The following TSC2 variants were observed in gnomAD, a reference collection of about 807,000 sequenced individuals.
The protein encoded by TSC2 is TSC complex subunit 2.
A neutral mutation model predicts 202.2 loss-of-function variants in TSC2; 29 were observed. That is an observed-to-expected ratio of 0.14 (90% CI 0.11 to 0.20). TSC2 has a LOEUF of 0.20. Among genes scored for constraint, TSC2 ranks in the 10% least tolerant of loss-of-function variants. The probability of loss-of-function intolerance (pLI) is 1.00; values close to 1 mark genes in which losing one functional copy is unlikely to be tolerated. For missense variants in TSC2, 2,429 were observed against 2,420.0 expected (o/e 1.00, Z -0.08); for synonymous variants, 1,349 against 1,044.0 (o/e 1.29, Z -5.63).
chr16:2,077,829 G>A lies in TSC2; in HGVS notation c.2966+103G>A, dbSNP rs759174734. 2.0e-5 allele frequency: 31 copies of A among 1,574,416 alleles called. No individual in the cohort carries two copies. The Admixed American group carries it at 2.2e-4, about 11-fold the overall frequency. On this transcript the variant is annotated intron_variant, in intron 26 of 41. Coordinates refer to ENST00000219476, the MANE Select transcript of TSC2 (RefSeq NM_000548.5). The stretch of plus-strand genomic sequence containing the variant: ...GCTTGCATGACCTCATCGTCTGCCC[G>A]TGTCCTCCCTGGCCAGCCCAGGGGG...
Position 2,071,497 on chromosome 16 carries a change from C to G in TSC2, c.1840-13C>G, listed in dbSNP as rs1186556063. 6.2e-7 allele frequency: 1 copy of G among 1,613,452 alleles called. No individual in the cohort carries two copies. The highest frequency in any genetic ancestry group is 8.5e-7 in the Non-Finnish European group (1 of 1,179,946). On this transcript the variant is annotated splice_polypyrimidine_tract_variant and intron_variant, in intron 17 of 41. Transcript: ENST00000219476. ...GAGCTTGGCTCTGGCTTTCACCATC[C>G]TCTTCCTGACAGGCCTTTGACTTCC...
At position 2,084,577 on chromosome 16, in the gene TSC2, C is replaced by T. The variant is rs45517339; in HGVS notation, c.4355C>T (p.Ser1452Leu). The change falls in exon 34 of 42, where the codon TCG becomes TTG. Residue 1452 changes from serine (S) to leucine (L), a missense_variant. Transcript: ENST00000219476. Reference sequence around the variant, plus strand: ...CCCTTGCCTTCCAGCTCCCCCCGCTCGCCCAGTGGCCTCCGGCCCCGAGGT... The same window carrying T: ...CCCTTGCCTTCCAGCTCCCCCCGCTTGCCCAGTGGCCTCCGGCCCCGAGGT... ...EGPLPSSSPR[S>L]PSGLRPRGYT... 30 of 1,607,002 alleles carry T rather than the reference C, an allele frequency of 1.9e-5. No homozygotes were observed. The highest frequency in any genetic ancestry group is 1.7e-4 in the Middle Eastern group (1 of 6,060).
rs1201077508 is a variant in TSC2 at position 2,087,954 on chromosome 16, G to A, written c.5068+13G>A. On this transcript the variant is annotated intron_variant, in intron 39 of 41. Coordinates refer to ENST00000219476, the MANE Select transcript of TSC2 (RefSeq NM_000548.5). ...CAGTGCAGGAAAGGTAGGGCCGGGT[G>A]GGGCCCTGCAGTGCAGGAAAGGTAG... 5 of 1,605,062 alleles carry A rather than the reference G, an allele frequency of 3.1e-6. No individual in the cohort carries two copies. The highest frequency in any genetic ancestry group is 2.2e-5 in the East Asian group (1 of 44,454).
In TSC2 at chr16:2,084,953, T is replaced by G. The variant is rs1596422033; in HGVS notation, c.4496T>G (p.Phe1499Cys). ...AEKVPGINPSFVFLQLYHSPF... is the reference protein window; with the variant it reads ...AEKVPGINPSCVFLQLYHSPF... ...CCCACCATCCCCTCCCTGTGCAGTT[T>G]CGTGTTCCTGCAGCTCTACCATTCC... is the stretch of plus-strand genomic sequence containing the variant. The change falls in exon 35 of 42, where the codon TTC becomes TGC. Residue 1499 changes from phenylalanine (F) to cysteine (C), a missense_variant and splice_region_variant. Coordinates refer to ENST00000219476, the MANE Select transcript of TSC2 (RefSeq NM_000548.5). 6.2e-7 allele frequency: 1 copy of G among 1,613,270 alleles called. No individual in the cohort carries two copies. Among genetic ancestry groups the G allele is most frequent in the Non-Finnish European group, 8.5e-7 (1 of 1,179,960 alleles).
chr16:2,084,222 T>C lies in TSC2; in HGVS notation c.4006-6T>C, dbSNP rs1060500953. ...CAGGGGTTCTCTTTGGGATGGTCCTTTCTAGTCGTCCTCAGTCTCCAGCCA... is the reference window on the plus strand; with the variant it reads ...CAGGGGTTCTCTTTGGGATGGTCCTCTCTAGTCGTCCTCAGTCTCCAGCCA... On this transcript the variant is annotated splice_region_variant and splice_polypyrimidine_tract_variant and intron_variant, in intron 33 of 41. Coordinates refer to ENST00000219476, the MANE Select transcript of TSC2 (RefSeq NM_000548.5). 9.5e-6 allele frequency: 15 copies of C among 1,578,022 alleles called. No homozygotes were observed. Among genetic ancestry groups the C allele is most frequent in the Non-Finnish European group, 1.3e-5 (15 of 1,160,914 alleles).
At chr16:2,072,096 C>G (rs2088519757) in intron 19 of TSC2, 145 bp from the exon 20 acceptor site, 39 of 1,522,176 alleles carry the variant, frequency 2.6e-5, no homozygotes, top group Non-Finnish European at 3.4e-5. Flanking sequence ...GGACAGAGGC[C>G]TGCGCTGGGC....
intron 16 of TSC2, chr16:2,068,610 C>CA (rs2087740295): frequency 6.6e-6 from 1 of 152,186 alleles, no homozygotes; most frequent in Non-Finnish European, 1.5e-5. Flanking sequence ...CATGGTGACT[C>CA]ACGCCTGTAA....
At position 2,064,589 on chromosome 16, in the gene TSC2, C is replaced by T. The variant is rs74819416; in HGVS notation, c.1599+162C>T. 2.5e-3 allele frequency: 2,578 copies of T among 1,021,180 alleles called. 51 individuals carry two copies. In the African/African-American group the frequency reaches 0.037, roughly 14 times the overall value. 63.3% of individuals were successfully genotyped at this position (1,021,180 alleles called of 1,614,324 possible). A position where few individuals can be genotyped will look rare whatever the true frequency, so the allele number is the denominator to read the frequency against. On this transcript the variant is annotated intron_variant, in intron 15 of 41. Coordinates refer to ENST00000219476, the MANE Select transcript of TSC2 (RefSeq NM_000548.5). ...TGGGTGTCCCGAGGCCTGTGCAGGG[C>T]CTGCCACTGCTGGATTTGTGTCCTG...
intron 4 of TSC2, chr16:2,053,777 T>TG (rs2085420734): frequency 1.8e-6 from 1 of 546,672 alleles, no homozygotes; most frequent in African/African-American, 1.9e-5. Flanking sequence ...GTTTTGCCCT[T>TG]GCACCCTTTC....
At position 2,088,861 on chromosome 16, in the gene TSC2, A is replaced by G. The variant is rs1177932432; in HGVS notation, c.*251A>G. On this transcript the variant is annotated 3_prime_UTR_variant, in exon 42 of 42. Coordinates refer to ENST00000219476, the MANE Select transcript of TSC2 (RefSeq NM_000548.5). ...CTTGAGGCTGCCTGGGCCATACAGC[A>G]CACTCGCGCGTGCGCGCGCGCACAC... 7 of 552,064 alleles carry G rather than the reference A, an allele frequency of 1.3e-5. No individual in the cohort carries two copies. Among genetic ancestry groups the G allele is most frequent in the African/African-American group, 4.3e-5 (2 of 46,798 alleles). 34.2% of individuals were successfully genotyped at this position (552,064 alleles called of 1,614,324 possible).
intron 5 of TSC2, chr16:2,055,056 T>G (rs2085598837): frequency 2.4e-6 from 1 of 408,588 alleles, no homozygotes; most frequent in Non-Finnish European, 4.6e-6. Context: ...TCCGAGCCAC[T>G]CTCTGCTGGG....
intron 17 of TSC2, among the ~76,000 whole-genome samples, chr16:2,071,189 C>T (rs553383973): frequency 1.6e-4 from 24 of 152,344 alleles, no homozygotes; most frequent in African/African-American, 5.8e-4. Context: ...CTGAGCTCCG[C>T]TTTCTGGCAG....
At chr16:2,048,261 C>T (rs1205950660) in intron 1 of TSC2, 196 bp downstream of exon 1, 3 of 1,280,354 alleles carry the variant, frequency 2.3e-6, no homozygotes, top group East Asian at 5.0e-5. Context: ...GTGACAGCTC[C>T]TGCTTCACAT....
At position 2,088,684 on chromosome 16, in the gene TSC2, A is replaced by G; in HGVS notation, c.*74A>G. ...GTGAAATAAATAAAGTCCTGACCCC[A>G]GTGCACAGACATAGAGGCACAGATT... On this transcript the variant is annotated 3_prime_UTR_variant, in exon 42 of 42. Coordinates refer to ENST00000219476, the MANE Select transcript of TSC2 (RefSeq NM_000548.5). 6.6e-7 allele frequency: 1 copy of G among 1,522,382 alleles called. No individual in the cohort carries two copies. The highest frequency in any genetic ancestry group is 8.8e-7 in the Non-Finnish European group (1 of 1,133,460). The allele number at this position is 1,522,382 out of a possible 1,614,324, so 94.3% of individuals were successfully genotyped here.
chr16:2,085,146 T>C, intron 35 of TSC2, 84 bp from the exon 36 acceptor site: 1 of 1,603,418 alleles, frequency 6.2e-7, no homozygotes, highest in Non-Finnish European at 8.5e-7. Flanking sequence ...AAGCTCCCTG[T>C]GGCAGCCTGC....
rs1188604363 is a variant in TSC2, at chr16:2,086,725, C to T, written c.4850-7C>T. Reference sequence around the variant, plus strand: ...CCACAAACCCATCCGGCCCTGCTCACCCTCAGCCGTCTTCCACATCGCCAC... The same window carrying T: ...CCACAAACCCATCCGGCCCTGCTCATCCTCAGCCGTCTTCCACATCGCCAC... On this transcript the variant is annotated splice_region_variant and splice_polypyrimidine_tract_variant and intron_variant, in intron 37 of 41. Transcript: ENST00000219476. 1.2e-6 allele frequency: 2 copies of T among 1,609,496 alleles called. No individual in the cohort carries two copies. Among genetic ancestry groups the T allele is most frequent in the African/African-American group, 1.3e-5 (1 of 74,888 alleles).
intron 1 of TSC2, 94 bp from the exon 2 acceptor site, chr16:2,048,493 C>T: frequency 6.6e-7 from 1 of 1,506,274 alleles, no homozygotes; most frequent in Admixed American, 1.8e-5. Flanking sequence ...TTATGCCCAC[C>T]AGAGACCCAG....
intron 25 of TSC2, among the ~76,000 whole-genome samples, chr16:2,077,061 G>A (rs908019862): frequency 2.0e-5 from 3 of 152,232 alleles, no homozygotes; most frequent in African/African-American, 7.2e-5. Flanking sequence ...TTCCCTAGAT[G>A]GGAATACGGC....
At chr16:2,049,609 G>A (rs1344173240) in intron 2 of TSC2, among the ~76,000 whole-genome samples, 1 of 151,800 alleles carries the variant, frequency 6.6e-6, no homozygotes, top group Admixed American at 6.6e-5. Flanking sequence ...TGGATCACCT[G>A]AGGTCAGGAG....
Sources: gnomAD v4.1 joint callset for allele counts (sites outside exome capture counted in the v4.1 genomes callset) on GRCh38, gnomAD v4.1.1 for gene constraint, MANE v1.5 for transcripts, NCBI Gene and HGNC (gene_info 2026-07-23, HGNC 2026-07-21) for gene names.